The following CELF4 variants were observed in gnomAD, a reference collection of about 807,000 sequenced individuals.
CELF4 encodes CUG-BP- and ETR-3-like factor 4.
CELF4 carries 18 observed loss-of-function variants against 59.9 expected under a neutral mutation model. That is an observed-to-expected ratio of 0.30 (90% CI 0.21 to 0.45). The LOEUF (loss-of-function observed/expected upper bound fraction) is 0.45, where lower values mean the gene tolerates loss of function less well. Among genes scored for constraint, CELF4 ranks in the 20% least tolerant of loss-of-function variants. The probability of loss-of-function intolerance (pLI) is 1.00; values close to 1 mark genes in which losing one functional copy is unlikely to be tolerated. For missense variants in CELF4, 456 were observed against 689.0 expected (o/e 0.66, Z 3.79); for synonymous variants, 261 against 267.1 (o/e 0.98, Z 0.22).
intron 1 of CELF4, among the ~76,000 whole-genome samples, chr18:37,505,738 C>T (rs1448171134): frequency 2.0e-5 from 3 of 152,180 alleles, no homozygotes; most frequent in Admixed American, 6.5e-5. Context: ...GTTCCTTAAC[C>T]TCTCTAGCCC....
At chr18:37,280,837 T>G (rs2154381032) in intron 3 of CELF4, among the ~76,000 whole-genome samples, 1 of 152,348 alleles carries the variant, frequency 6.6e-6, no homozygotes, top group Non-Finnish European at 1.5e-5. Flanking sequence ...ACATCACCCA[T>G]TCCTCTGACT....
At chr18:37,429,290 GAA>G (rs2099633354) in intron 2 of CELF4, among the ~76,000 whole-genome samples, 2 of 152,266 alleles carry the variant, frequency 1.3e-5, no homozygotes, top group Admixed American at 1.3e-4. Context: ...TGAAAGCTGG[GAA>G]GGTGCATGTG....
At chr18:37,496,799 C>T (rs546905994) in intron 1 of CELF4, among the ~76,000 whole-genome samples, 130 of 152,306 alleles carry the variant, frequency 8.5e-4, no homozygotes, top group African/African-American at 2.8e-3. Flanking sequence ...AACATCAATA[C>T]GGTAAGTTCA....
chr18:37,391,210 C>T (rs1300138523), intron 2 of CELF4, among the ~76,000 whole-genome samples: 1 of 152,130 alleles, frequency 6.6e-6, no homozygotes, highest in African/African-American at 2.4e-5. Flanking sequence ...AAGGCCCCTG[C>T]CTTTAGTTCA....
chr18:37,343,329 C>CTGTGTGTGTGTGTGTG (rs5824051), intron 2 of CELF4, among the ~76,000 whole-genome samples: 1 of 126,956 alleles, frequency 7.9e-6, no homozygotes, highest in Non-Finnish European at 1.6e-5. Flanking sequence ...GGTGTTGATT[C>CTGTGTGTGTGTGTGTG]TGTGTGTGTG....
intron 1 of CELF4, among the ~76,000 whole-genome samples, chr18:37,494,116 G>A (rs2099922146): frequency 6.6e-6 from 1 of 152,188 alleles, no homozygotes; most frequent in African/African-American, 2.4e-5. Flanking sequence ...GGACAAGGAG[G>A]TGCAGACCTC....
chr18:37,247,821 C>A (rs1475355697), intron 12 of CELF4, among the ~76,000 whole-genome samples: 1 of 152,158 alleles, frequency 6.6e-6, no homozygotes, highest in African/African-American at 2.4e-5. Flanking sequence ...CCCCTCAAAC[C>A]ACCTTGGCCA....
intron 2 of CELF4, among the ~76,000 whole-genome samples, chr18:37,408,054 C>T (rs2099402150): frequency 6.6e-6 from 1 of 152,128 alleles, no homozygotes; most frequent in Admixed American, 6.5e-5. Flanking sequence ...GGAGAAGCGG[C>T]TGGGATGCAG....
At chr18:37,383,644 C>T (rs1378502106) in intron 2 of CELF4, among the ~76,000 whole-genome samples, 1 of 152,186 alleles carries the variant, frequency 6.6e-6, no homozygotes, top group Non-Finnish European at 1.5e-5. Flanking sequence ...TAAACCACTC[C>T]TTTCTTTTCC....
intron 2 of CELF4, among the ~76,000 whole-genome samples, chr18:37,444,590 G>GCTCT (rs892764323): frequency 1.5e-5 from 2 of 136,324 alleles, no homozygotes; most frequent in Non-Finnish European, 3.2e-5. Flanking sequence ...AGAGAAACAT[G>GCTCT]CTCTCTCTCT....
intron 12 of CELF4, among the ~76,000 whole-genome samples, chr18:37,248,744 C>G (rs2063599270): frequency 6.6e-6 from 1 of 152,172 alleles, no homozygotes; most frequent in Non-Finnish European, 1.5e-5. Flanking sequence ...CCCCTCACCA[C>G]TTCATAGTCC....
chr18:37,466,807 G>A (rs2099810205), intron 2 of CELF4, among the ~76,000 whole-genome samples: 1 of 152,162 alleles, frequency 6.6e-6, no homozygotes, highest in Admixed American at 6.5e-5. Flanking sequence ...ATCCAGATTG[G>A]GGAAGGCTCC....
chr18:37,334,817 G>C (rs149050499), intron 2 of CELF4, among the ~76,000 whole-genome samples: 359 of 152,066 alleles, frequency 2.4e-3, no homozygotes, highest in Non-Finnish European at 4.0e-3. Context: ...CATGTTAAAA[G>C]AAAAAACAAA....
At chr18:37,302,486 C>T (rs909808903) in intron 3 of CELF4, among the ~76,000 whole-genome samples, 2 of 152,118 alleles carry the variant, frequency 1.3e-5, no homozygotes, top group African/African-American at 4.8e-5. Context: ...GATGAGGGCA[C>T]AAGCTGCACA....
chr18:37,565,643 G>T lies in CELF4; in HGVS notation c.-2C>A. ...TAACGTGGCCATCTTTATATACATA[G>T]AGAAAATCTTCTTTCCTTTTATTCT... On this transcript the variant is annotated 5_prime_UTR_variant, in exon 1 of 13. Coordinates refer to ENST00000420428, the MANE Select transcript of CELF4 (RefSeq NM_020180.4). The T allele has an allele frequency of 6.3e-7, 1 of 1,576,906 alleles. No homozygotes were observed. The highest frequency in any genetic ancestry group is 1.9e-5 in the Admixed American group (1 of 53,908).
intron 2 of CELF4, among the ~76,000 whole-genome samples, chr18:37,478,883 T>C (rs2099858266): frequency 6.6e-6 from 1 of 152,202 alleles, no homozygotes; most frequent in Non-Finnish European, 1.5e-5. Flanking sequence ...CTGGAAAGCC[T>C]GGCTAGGGCA....
At chr18:37,551,361 G>T (rs753617498) in intron 1 of CELF4, among the ~76,000 whole-genome samples, 8 of 152,214 alleles carry the variant, frequency 5.3e-5, no homozygotes, top group Non-Finnish European at 8.8e-5. Context: ...GATGGGAGAA[G>T]TACGCCCATT....
chr18:37,321,481 G>A (rs1304158867), intron 3 of CELF4, among the ~76,000 whole-genome samples: 1 of 152,242 alleles, frequency 6.6e-6, no homozygotes, highest in African/African-American at 2.4e-5. Flanking sequence ...TCACGGTGGG[G>A]TTTTCCTTGT....
chr18:37,454,528 A>T (rs2099772808), intron 2 of CELF4, among the ~76,000 whole-genome samples: 1 of 152,122 alleles, frequency 6.6e-6, no homozygotes, highest in Non-Finnish European at 1.5e-5. Flanking sequence ...GAAGGCAGGA[A>T]TGTAGCTTAA....
Sources: allele counts gnomAD v4.1 joint callset (sites outside exome capture counted in the v4.1 genomes callset), GRCh38; gene constraint gnomAD v4.1.1; transcripts MANE v1.5; gene names NCBI Gene and HGNC (gene_info 2026-07-23, HGNC 2026-07-21).